Variants in TCF12 observed in about 807,000 individuals in gnomAD.
TCF12 encodes the protein DNA-binding protein HTF4.
In TCF12, 45 loss-of-function variants were observed where a neutral mutation model predicts 86.0. That is an observed-to-expected ratio of 0.52 (90% CI 0.41 to 0.67). TCF12 has a LOEUF of 0.67. Among genes scored for constraint, TCF12 ranks in the 30% least tolerant of loss-of-function variants. TCF12 has a pLI of 0.00. For missense variants in TCF12, 881 were observed against 859.9 expected, an observed-to-expected ratio of 1.02 and a Z score of -0.31; for synonymous variants, 330 against 299.6, an observed-to-expected ratio of 1.10 and a Z score of -1.05.
chr15:56,952,277 T>G (rs563885516), intron 3 of TCF12, among the ~76,000 whole-genome samples: 1 of 152,220 alleles, frequency 6.6e-6, no homozygotes, highest in African/African-American at 2.4e-5. Context: ...TGTAATATCA[T>G]ACTTTCTTGA....
chr15:57,154,012 A>G (rs2053946320), intron 5 of TCF12, among the ~76,000 whole-genome samples: 1 of 151,792 alleles, frequency 6.6e-6, no homozygotes, highest in South Asian at 2.1e-4. Context: ...AAAAAAAAAG[A>G]AAAGAAAAAA....
chr15:57,220,582 A>G (rs2058544232), intron 8 of TCF12, among the ~76,000 whole-genome samples: 1 of 152,192 alleles, frequency 6.6e-6, no homozygotes, highest in Admixed American at 6.5e-5. Context: ...GTGTTTTAAA[A>G]TAATACTTTT....
intron 3 of TCF12, among the ~76,000 whole-genome samples, chr15:57,040,961 GA>G (rs1264620324): frequency 1.3e-5 from 2 of 152,034 alleles, no homozygotes; most frequent in African/African-American, 4.8e-5. Context: ...AGACCACACT[GA>G]AAAAAATCCC....
intron 8 of TCF12, among the ~76,000 whole-genome samples, chr15:57,206,574 T>A (rs2057819945): frequency 6.9e-6 from 1 of 144,556 alleles, no homozygotes; most frequent in Non-Finnish European, 1.5e-5. Flanking sequence ...TCCACTACCT[T>A]GTATTCTCTT....
chr15:57,240,300 A>T (rs539231664), intron 12 of TCF12, among the ~76,000 whole-genome samples: 10 of 152,336 alleles, frequency 6.6e-5, no homozygotes, highest in African/African-American at 2.2e-4. Flanking sequence ...ATAAAAAAAC[A>T]GGTAACAGAC....
At chr15:57,206,262 G>A (rs2057804878) in intron 8 of TCF12, among the ~76,000 whole-genome samples, 1 of 152,142 alleles carries the variant, frequency 6.6e-6, no homozygotes, top group African/African-American at 2.4e-5. Flanking sequence ...CAGTGCTTTG[G>A]GAGGCCGAGG....
chr15:56,931,051 C>G (rs991575721), intron 3 of TCF12, among the ~76,000 whole-genome samples: 1 of 152,054 alleles, frequency 6.6e-6, no homozygotes, highest in Admixed American at 6.5e-5. Context: ...CTCTCTCTCT[C>G]TCCTCCTCCT....
intron 3 of TCF12, among the ~76,000 whole-genome samples, chr15:57,004,514 T>G (rs1330700520): frequency 6.6e-6 from 1 of 152,172 alleles, no homozygotes; most frequent in Non-Finnish European, 1.5e-5. Context: ...GTTCACGCCA[T>G]TCTCCTGCCT....
At chr15:57,202,333 T>A (rs1187967299) in intron 8 of TCF12, among the ~76,000 whole-genome samples, 2 of 152,172 alleles carry the variant, frequency 1.3e-5, no homozygotes, top group Admixed American at 1.3e-4. Flanking sequence ...TTTTTACTGA[T>A]CAAATTTATT....
chr15:56,970,305 T>A (rs1393968527), intron 3 of TCF12, among the ~76,000 whole-genome samples: 3 of 151,178 alleles, frequency 2.0e-5, no homozygotes, highest in African/African-American at 7.3e-5. Flanking sequence ...TATAGTGAAA[T>A]CCCATCTCTA....
At chr15:56,920,505 T>TGTGTGTGC (rs1219042810) in intron 2 of TCF12, among the ~76,000 whole-genome samples, 1 of 151,568 alleles carries the variant, frequency 6.6e-6, no homozygotes, top group African/African-American at 2.4e-5. Flanking sequence ...TGTGTGTGTG[T>TGTGTGTGC]GTGTATTATG....
At chr15:57,072,753 ATC>A (rs2069513778) in intron 4 of TCF12, 1 of 1,254,148 alleles carries the variant, frequency 8.0e-7, no homozygotes, top group Non-Finnish European at 1.0e-6. Context: ...GTTCCCATTA[ATC>A]TCTGTTTTGT....
intron 8 of TCF12, among the ~76,000 whole-genome samples, chr15:57,199,116 C>T (rs1348716943): frequency 2.6e-5 from 4 of 152,132 alleles, no homozygotes; most frequent in African/African-American, 7.2e-5. Flanking sequence ...AAAGCTTTTG[C>T]TTGCATAAGC....
At chr15:57,072,465 TG>T (rs1401219711) in intron 4 of TCF12, among the ~76,000 whole-genome samples, 1 of 152,190 alleles carries the variant, frequency 6.6e-6, no homozygotes, top group Non-Finnish European at 1.5e-5. Flanking sequence ...TCAGCATTGA[TG>T]GGTAATAAAG....
At chr15:56,961,210 A>G (rs1178868102) in intron 3 of TCF12, among the ~76,000 whole-genome samples, 2 of 152,212 alleles carry the variant, frequency 1.3e-5, no homozygotes, top group African/African-American at 2.4e-5. Flanking sequence ...TTTGAGCATA[A>G]CGAAGGTGTA....
At chr15:57,272,656 G>T (rs1304131039) in intron 18 of TCF12, among the ~76,000 whole-genome samples, 3 of 152,226 alleles carry the variant, frequency 2.0e-5, no homozygotes, top group Non-Finnish European at 4.4e-5. Context: ...TTCTACTCCA[G>T]TGTTTTTAAC....
chr15:57,122,259 C>A (rs1406225573), intron 5 of TCF12, among the ~76,000 whole-genome samples: 2 of 151,146 alleles, frequency 1.3e-5, no homozygotes, highest in Non-Finnish European at 2.9e-5. Flanking sequence ...AGCTTTAAGT[C>A]CCCTTCATCA....
chr15:57,086,030 C>T (rs1459230969), intron 4 of TCF12, among the ~76,000 whole-genome samples: 3 of 152,010 alleles, frequency 2.0e-5, no homozygotes, highest in African/African-American at 7.3e-5. Flanking sequence ...ATCTAAAACT[C>T]AGCAGCATTT....
intron 5 of TCF12, among the ~76,000 whole-genome samples, chr15:57,135,897 T>C (rs1419741398): frequency 6.6e-6 from 1 of 151,930 alleles, no homozygotes; most frequent in African/African-American, 2.4e-5. Flanking sequence ...TGACATCTAT[T>C]CTAGCTGTGT....
Sources: gnomAD v4.1 joint callset for allele counts (sites outside exome capture counted in the v4.1 genomes callset) on GRCh38, gnomAD v4.1.1 for gene constraint, MANE v1.5 for transcripts, NCBI Gene and HGNC (gene_info 2026-07-23, HGNC 2026-07-21) for gene names.